Variants in NRXN3 observed in about 807,000 individuals in gnomAD.
The protein encoded by NRXN3 is neurexin III.
Under a neutral mutation model 137.6 loss-of-function variants are expected in NRXN3, and 32 were observed. The observed-to-expected ratio is 0.23, with a 90% CI of 0.18 to 0.31. NRXN3 has a LOEUF of 0.31. Ranked by LOEUF, NRXN3 falls within the 10% of genes least tolerant of loss-of-function variation. The pLI, the probability that NRXN3 is intolerant of heterozygous loss-of-function variation, is 1.00. For missense variants in NRXN3, 1,574 were observed against 2,062.5 expected, an observed-to-expected ratio of 0.76 and a Z score of 4.59; for synonymous variants, 798 against 784.5, an observed-to-expected ratio of 1.02 and a Z score of -0.29.
chr14:79,345,573 C>T (rs1483895706), intron 15 of NRXN3, among the ~76,000 whole-genome samples: 1 of 152,076 alleles, frequency 6.6e-6, no homozygotes, highest in African/African-American at 2.4e-5. Flanking sequence ...ATAGAATCCC[C>T]AGTGTTGGCG....
At chr14:78,865,190 C>T (rs2099083519) in intron 10 of NRXN3, among the ~76,000 whole-genome samples, 2 of 152,132 alleles carry the variant, frequency 1.3e-5, no homozygotes, top group African/African-American at 4.8e-5. Flanking sequence ...CTTATCTACT[C>T]ATGAACAACC....
chr14:78,759,459 A>G (rs1279710944), intron 8 of NRXN3, among the ~76,000 whole-genome samples: 1 of 152,218 alleles, frequency 6.6e-6, no homozygotes, highest in Non-Finnish European at 1.5e-5. Flanking sequence ...TAACCATTGT[A>G]AGCAGAGGAG....
At chr14:78,867,882 A>G (rs2099091184) in intron 10 of NRXN3, among the ~76,000 whole-genome samples, 1 of 151,500 alleles carries the variant, frequency 6.6e-6, no homozygotes, top group Admixed American at 6.6e-5. Context: ...CCTGTGTATA[A>G]GTTTTATATA....
intron 15 of NRXN3, among the ~76,000 whole-genome samples, chr14:79,160,711 C>G (rs1338941897): frequency 6.6e-6 from 1 of 151,782 alleles, no homozygotes; most frequent in East Asian, 1.9e-4. Flanking sequence ...TGCTTTTAAC[C>G]TGAAAAATAG....
At chr14:78,750,338 A>G (rs2098635051) in intron 8 of NRXN3, among the ~76,000 whole-genome samples, 1 of 152,216 alleles carries the variant, frequency 6.6e-6, no homozygotes, top group African/African-American at 2.4e-5. Flanking sequence ...TCATGCTGAA[A>G]GGCCAATCAT....
At chr14:78,749,403 T>C (rs2098630398) in intron 8 of NRXN3, among the ~76,000 whole-genome samples, 1 of 152,198 alleles carries the variant, frequency 6.6e-6, no homozygotes, top group Non-Finnish European at 1.5e-5. Flanking sequence ...TGATCCAAGG[T>C]CTCAGATTTA....
At chr14:79,332,805 T>C (rs1377682052) in intron 15 of NRXN3, among the ~76,000 whole-genome samples, 1 of 152,214 alleles carries the variant, frequency 6.6e-6, no homozygotes, top group Non-Finnish European at 1.5e-5. Flanking sequence ...GTCTGGAACA[T>C]AGGGTTCCAC....
At chr14:79,683,208 G>A (rs61995221) in intron 17 of NRXN3, among the ~76,000 whole-genome samples, 8,910 of 152,180 alleles carry the variant, frequency 0.059, 311 homozygotes, top group South Asian at 0.097. Flanking sequence ...ATAATAGGAT[G>A]GATCTCTTAA....
At chr14:78,740,115 G>A (rs1349177176) in intron 8 of NRXN3, among the ~76,000 whole-genome samples, 1 of 152,164 alleles carries the variant, frequency 6.6e-6, no homozygotes, top group East Asian at 1.9e-4. Flanking sequence ...AAGCCCACAT[G>A]CAGTTTCTGA....
intron 19 of NRXN3, among the ~76,000 whole-genome samples, chr14:79,737,973 G>A (rs115938008): frequency 1.3e-5 from 2 of 151,938 alleles, no homozygotes; most frequent in Admixed American, 1.3e-4. Flanking sequence ...GGGATGAGTG[G>A]GTTTAGACCA....
intron 8 of NRXN3, chr14:78,745,320 T>A (rs183836804): frequency 5.9e-5 from 9 of 152,456 alleles, no homozygotes; most frequent in Non-Finnish European, 1.3e-4. Flanking sequence ...AGGTGCTGCC[T>A]CCTGCAGAGA....
chr14:79,750,610 G>T (rs2098994178), intron 19 of NRXN3, among the ~76,000 whole-genome samples: 1 of 152,044 alleles, frequency 6.6e-6, no homozygotes, highest in Admixed American at 6.6e-5. Flanking sequence ...GTAGAACCTG[G>T]GGGTACTGAT....
intron 15 of NRXN3, among the ~76,000 whole-genome samples, chr14:79,389,245 T>C (rs959129358): frequency 2.0e-4 from 31 of 152,324 alleles, no homozygotes; most frequent in African/African-American, 7.5e-4. Context: ...TTCTAGAGGC[T>C]GAGAAGTCCA....
intron 9 of NRXN3, among the ~76,000 whole-genome samples, chr14:78,809,217 G>T (rs188696554): frequency 6.6e-6 from 1 of 152,082 alleles, no homozygotes; most frequent in Non-Finnish European, 1.5e-5. Context: ...AGAATACCTT[G>T]TCTGATTACT....
chr14:78,565,122 A>G (rs2096825271), intron 4 of NRXN3, among the ~76,000 whole-genome samples: 1 of 152,176 alleles, frequency 6.6e-6, no homozygotes, highest in Non-Finnish European at 1.5e-5. Context: ...TGATTCTAAG[A>G]TAGTTCCTTG....
intron 16 of NRXN3, among the ~76,000 whole-genome samples, chr14:79,555,446 G>A (rs1046264881): frequency 2.6e-5 from 4 of 152,116 alleles, no homozygotes; most frequent in Admixed American, 6.6e-5. Context: ...ATGAGATGCC[G>A]GGAATACAGA....
intron 10 of NRXN3, among the ~76,000 whole-genome samples, chr14:78,847,531 G>T (rs2099030650): frequency 6.6e-6 from 1 of 152,100 alleles, no homozygotes; most frequent in African/African-American, 2.4e-5. Flanking sequence ...AGGAAATCGA[G>T]TGAAGTGAGA....
chr14:78,885,690 G>GC (rs1417545483), intron 10 of NRXN3, among the ~76,000 whole-genome samples: 1 of 152,036 alleles, frequency 6.6e-6, no homozygotes, highest in African/African-American at 2.4e-5. Context: ...AATCTTGACA[G>GC]CTTAGACAGT....
intron 14 of NRXN3, 36 bp from the exon 15 acceptor site, chr14:78,987,986 T>A: frequency 6.3e-7 from 1 of 1,590,394 alleles, no homozygotes; most frequent in Non-Finnish European, 8.6e-7. Context: ...CTCTCTCTCC[T>A]TTTTCTTTTT....
Sources: allele counts gnomAD v4.1 joint callset (sites outside exome capture counted in the v4.1 genomes callset), GRCh38; gene constraint gnomAD v4.1.1; transcripts MANE v1.5; gene names NCBI Gene and HGNC (gene_info 2026-07-23, HGNC 2026-07-21).